Variants in SSU72 observed in about 807,000 individuals in gnomAD.
SSU72 encodes SSU72 homolog, RNA polymerase II CTD phosphatase, also known as RNA polymerase II subunit A C-terminal domain phosphatase SSU72.
SSU72 carries 12 observed loss-of-function variants against 22.7 expected under a neutral mutation model. The ratio of observed to expected loss-of-function variants is 0.53; its 90% confidence interval spans 0.34 to 0.86. SSU72 has a LOEUF of 0.86. Ranked by LOEUF, SSU72 falls within the 40% of genes least tolerant of loss-of-function variation. The probability of loss-of-function intolerance (pLI) is 0.02; values close to 1 mark genes in which losing one functional copy is unlikely to be tolerated. For missense variants in SSU72, 151 were observed against 249.8 expected, an observed-to-expected ratio of 0.60 and a Z score of 2.67; for synonymous variants, 116 against 98.3, an observed-to-expected ratio of 1.18 and a Z score of -1.06.
At chr1:1,568,778 GC>G (rs1642692783) in intron 1 of SSU72, among the ~76,000 whole-genome samples, 1 of 151,126 alleles carries the variant, frequency 6.6e-6, no homozygotes, top group Admixed American at 6.6e-5. Flanking sequence ...TACAAAACTA[GC>G]CAGGCGTGGT....
At chr1:1,557,134 G>A (rs549280197) in intron 2 of SSU72, among the ~76,000 whole-genome samples, 24 of 152,298 alleles carry the variant, frequency 1.6e-4, no homozygotes, top group Non-Finnish European at 2.8e-4. Context: ...GCTGCTGGGC[G>A]GGACGCAGTG....
At position 1,545,126 on chromosome 1, in the gene SSU72, G is replaced by A. The variant is rs970857335; in HGVS notation, c.225-124C>T. The A allele has an allele frequency of 2.6e-5, 31 of 1,177,070 alleles. No individual in the cohort carries two copies. In the African/African-American group the frequency reaches 4.3e-4, roughly 16 times the overall value. 72.9% of individuals were successfully genotyped at this position (1,177,070 alleles called of 1,614,324 possible). A position where few individuals can be genotyped will look rare whatever the true frequency, so the allele number is the denominator to read the frequency against. On this transcript the variant is annotated intron_variant, in intron 2 of 4. Transcript: ENST00000291386. ...GCAGAGGCAGCCGGGACGAAGGCCT[G>A]GACAGCGGAGTGGGCCATGCCCTGG...
intron 2 of SSU72, 100 bp downstream of exon 2, chr1:1,564,673 G>A (rs1431481908): frequency 1.2e-6 from 2 of 1,614,076 alleles, no homozygotes; most frequent in African/African-American, 1.3e-5. Flanking sequence ...GCCAGTGTGT[G>A]CACTGCACAG....
intron 2 of SSU72, 134 bp from the exon 3 acceptor site, chr1:1,545,136 G>C (rs928329567): frequency 5.6e-6 from 6 of 1,065,752 alleles, no homozygotes; most frequent in Non-Finnish European, 8.2e-6. Flanking sequence ...GGACAGCGGA[G>C]TGGGCCATGC....
At chr1:1,547,457 C>T (rs1378355344) in intron 2 of SSU72, among the ~76,000 whole-genome samples, 1 of 152,234 alleles carries the variant, frequency 6.6e-6, no homozygotes, top group Non-Finnish European at 1.5e-5. Context: ...AGCGAGCAGC[C>T]ACCCTTCTGG....
intron 1 of SSU72, among the ~76,000 whole-genome samples, chr1:1,572,419 C>A (rs566494826): frequency 6.7e-6 from 1 of 149,326 alleles, no homozygotes; most frequent in Non-Finnish European, 1.5e-5. Context: ...CAGACTCCCC[C>A]TCAAGAAAAA....
chr1:1,542,184 G>A lies in SSU72; in HGVS notation c.484-17C>T, dbSNP rs186790150. The stretch of plus-strand genomic sequence containing the variant: ...GTGCTGGATCTGCAAGGACAGGACC[G>A]TGGTGAGGGCCTTGCCCACTCCTGC... On this transcript the variant is annotated splice_polypyrimidine_tract_variant and intron_variant, in intron 4 of 4. Coordinates refer to ENST00000291386, the MANE Select transcript of SSU72 (RefSeq NM_014188.3). This position sits in a 1 kb window ranked among gnomAD's most constrained non-coding sequence, Gnocchi z 4.4. The A allele has an allele frequency of 2.6e-5, 41 of 1,567,218 alleles. No individual in the cohort carries two copies. In the Admixed American group the frequency reaches 3.4e-4, roughly 13 times the overall value.
intron 1 of SSU72, among the ~76,000 whole-genome samples, chr1:1,568,022 G>A (rs904527016): frequency 3.3e-5 from 5 of 151,788 alleles, no homozygotes; most frequent in East Asian, 1.9e-4. Context: ...CCTGCTGGAC[G>A]TTCCTTTAAG....
In SSU72 at chr1:1,542,814, C is replaced by T. The variant is rs1229256984; in HGVS notation, c.484-647G>A. Among the ~76,000 whole-genome samples, 1 of 152,148 alleles carries T rather than the reference C, an allele frequency of 6.6e-6. No homozygotes were observed. Among genetic ancestry groups the T allele is most frequent in the Non-Finnish European group, 1.5e-5 (1 of 68,024 alleles). On this transcript the variant is annotated intron_variant, in intron 4 of 4. Transcript: ENST00000291386. This position sits in a 1 kb window ranked among gnomAD's most constrained non-coding sequence, Gnocchi z 4.4. ...ACGACATTTTCTTATGACCTTTTCT[C>T]CTGCCAGGCGATCATGAAGACCGTC...
At position 1,566,854 on chromosome 1, in the gene SSU72, C is replaced by CA. The variant is rs35297403; in HGVS notation, c.81-1939dup. 6.4e-4 allele frequency among the ~76,000 whole-genome samples: 90 copies of CA among 140,558 alleles called. 1 individual carries two copies. The highest frequency in any genetic ancestry group is 3.6e-3 in the Middle Eastern group (1 of 274). The allele number at this position is 140,558 out of a possible 152,430, so 92.2% of individuals were successfully genotyped here. On this transcript the variant is annotated intron_variant, in intron 1 of 4. Transcript: ENST00000291386. ...GGGCGACAAGAGCGAGACCCTGTCTCAAAAAAAAAAAAAAATTACTGAATG... is the reference window on the plus strand; with the variant it reads ...GGGCGACAAGAGCGAGACCCTGTCTCAAAAAAAAAAAAAAAATTACTGAATG...
At chr1:1,547,595 G>A (rs565858374) in intron 2 of SSU72, among the ~76,000 whole-genome samples, 110 of 152,328 alleles carry the variant, frequency 7.2e-4, no homozygotes, top group Non-Finnish European at 1.1e-3. Context: ...TCACAGGGAC[G>A]CAAGATCCCA....
chr1:1,565,075 C>T (rs962026395), intron 1 of SSU72, among the ~76,000 whole-genome samples, 159 bp from the exon 2 acceptor site: 4 of 152,262 alleles, frequency 2.6e-5, no homozygotes, highest in South Asian at 2.1e-4. Context: ...CATGGTGGCT[C>T]GCGCCTGTAA....
At chr1:1,549,531 G>T (rs1331413458) in intron 2 of SSU72, among the ~76,000 whole-genome samples, 1 of 143,852 alleles carries the variant, frequency 7.0e-6, no homozygotes, top group Non-Finnish European at 1.5e-5. Context: ...AAAAAAAAAA[G>T]AAAGAAAAAG....
Position 1,545,118 on chromosome 1 carries a change from G to A in SSU72, c.225-116C>T, listed in dbSNP as rs141148447. 7,714 of 1,286,800 alleles carry A rather than the reference G, an allele frequency of 6.0e-3. 115 individuals carry two copies. The highest frequency in any genetic ancestry group is 8.8e-3 in the South Asian group (647 of 73,206). 79.7% of individuals were successfully genotyped at this position (1,286,800 alleles called of 1,614,324 possible). A position where few individuals can be genotyped will look rare whatever the true frequency, so the allele number is the denominator to read the frequency against. ...GCCCCACAGCAGAGGCAGCCGGGAC[G>A]AAGGCCTGGACAGCGGAGTGGGCCA... On this transcript the variant is annotated intron_variant, in intron 2 of 4. Coordinates refer to ENST00000291386, the MANE Select transcript of SSU72 (RefSeq NM_014188.3).
At position 1,555,319 on chromosome 1, in the gene SSU72, C is replaced by T. The variant is rs368491789; in HGVS notation, c.224+9454G>A. Reference sequence around the variant, plus strand: ...GGCGGGGATGAGACAGCCTCGGCGGCGCTGGTGGAGCTCCTGGGAGCCTCG... The same window carrying T: ...GGCGGGGATGAGACAGCCTCGGCGGTGCTGGTGGAGCTCCTGGGAGCCTCG... On this transcript the variant is annotated intron_variant, in intron 2 of 4. Coordinates refer to ENST00000291386, the MANE Select transcript of SSU72 (RefSeq NM_014188.3). Among the ~76,000 whole-genome samples, 77 of 152,334 alleles carry T rather than the reference C, an allele frequency of 5.1e-4. 2 individuals are homozygous for T. The South Asian group carries it at 0.012, about 23-fold the overall frequency.
chr1:1,546,565 G>A (rs1642391288), intron 2 of SSU72: 1 of 152,254 alleles, frequency 6.6e-6, no homozygotes, highest in African/African-American at 2.4e-5. Flanking sequence ...GGCCGGGCGT[G>A]GCGACTCACA....
At chr1:1,573,265 C>CAAAAAA (rs57824669) in intron 1 of SSU72, among the ~76,000 whole-genome samples, 17 of 131,298 alleles carry the variant, frequency 1.3e-4, no homozygotes, top group African/African-American at 4.2e-4. Flanking sequence ...ACTAAAAATA[C>CAAAAAA]AAAAAAAAAA....
In SSU72 at chr1:1,554,547, C is replaced by T. The variant is rs2100711661; in HGVS notation, c.225-9545G>A. Among the ~76,000 whole-genome samples, 1 of 152,282 alleles carries T rather than the reference C, an allele frequency of 6.6e-6. No individual in the cohort carries two copies. Among genetic ancestry groups the T allele is most frequent in the Admixed American group, 6.5e-5 (1 of 15,300 alleles). ...TACCAAGGTTTTCTCTTTTCACTCC[C>T]TAGGGGCCTTAGTGGGACCAGAACA... On this transcript the variant is annotated intron_variant, in intron 2 of 4. Coordinates refer to ENST00000291386, the MANE Select transcript of SSU72 (RefSeq NM_014188.3). This position sits in a 1 kb window ranked among gnomAD's most constrained non-coding sequence, Gnocchi z 4.1.
chr1:1,555,065 G>C (rs1024158371), intron 2 of SSU72, among the ~76,000 whole-genome samples: 1 of 152,134 alleles, frequency 6.6e-6, no homozygotes, highest in Non-Finnish European at 1.5e-5. Context: ...CCACGAGGGG[G>C]GCCAGCTATC....
Sources: gnomAD v4.1 joint callset for allele counts (sites outside exome capture counted in the v4.1 genomes callset) on GRCh38, gnomAD v4.1.1 for gene constraint, Gnocchi (gnomAD v3.1) non-coding constraint, MANE v1.5 for transcripts, NCBI Gene and HGNC (gene_info 2026-07-23, HGNC 2026-07-21) for gene names.